Variants in COQ4 observed in about 807,000 individuals in gnomAD.
COQ4 encodes the protein coenzyme Q4, also known as ubiquinone biosynthesis protein COQ4 homolog, mitochondrial.
A neutral mutation model predicts 30.2 loss-of-function variants in COQ4; 36 were observed. The ratio of observed to expected loss-of-function variants is 1.19; its 90% CI spans 0.91 to 1.57. The LOEUF is 1.57. Ranked by LOEUF, COQ4 falls within the 40% of genes most tolerant of loss-of-function variation. The probability of loss-of-function intolerance (pLI) is 0.00; values close to 1 mark genes in which losing one functional copy is unlikely to be tolerated. For missense variants in COQ4, 369 were observed against 371.9 expected (o/e 0.99, Z 0.07); for synonymous variants, 197 against 161.0 (o/e 1.22, Z -1.69).
chr9:128,329,442 T>C (rs1005092364), intron 4 of COQ4, among the ~76,000 whole-genome samples: 1 of 152,216 alleles, frequency 6.6e-6, no homozygotes, highest in Non-Finnish European at 1.5e-5. Context: ...AGTGGCACAA[T>C]CTTGGCTCAC....
chr9:128,327,981 G>A (rs1183605967), intron 4 of COQ4, among the ~76,000 whole-genome samples: 2 of 152,232 alleles, frequency 1.3e-5, no homozygotes, highest in South Asian at 2.1e-4. Flanking sequence ...GGGTGGTCAG[G>A]GCCGGCTCCT....
chr9:128,333,616 C>A lies in COQ4; in HGVS notation c.769C>A (p.Pro257Thr). Residue 257 changes from proline (P) to threonine (T), a missense_variant, in exon 7 of 7, where the codon CCA becomes ACA. Pro to Thr is a conservative substitution (Grantham distance 38). Coordinates refer to ENST00000300452, the MANE Select transcript of COQ4 (RefSeq NM_016035.5). The stretch of plus-strand genomic sequence containing the variant: ...GCGGGAGGAGCTGGGCATTACAGCA[C>A]CACCCATGCACGTCCAGGGCTTGGC... ...ALREELGITA[P>T]PMHVQGLA The A allele has an allele frequency of 6.3e-7, 1 of 1,595,262 alleles. No homozygotes were observed. The highest frequency in any genetic ancestry group is 8.5e-7 in the Non-Finnish European group (1 of 1,172,942).
chr9:128,323,880 G>C (rs967471984), intron 2 of COQ4, among the ~76,000 whole-genome samples: 5 of 152,230 alleles, frequency 3.3e-5, no homozygotes, highest in African/African-American at 1.2e-4. Context: ...GGGAGTTCGA[G>C]ACTGCAGTAA....
intron 4 of COQ4, chr9:128,326,201 G>A (rs1832317984): frequency 1.9e-6 from 1 of 526,072 alleles, no homozygotes; most frequent in Non-Finnish European, 3.3e-6. Context: ...AGGAAACAGA[G>A]GCTCAGAGCA....
intron 4 of COQ4, among the ~76,000 whole-genome samples, chr9:128,328,690 A>G (rs767569373): frequency 2.0e-5 from 3 of 152,094 alleles, no homozygotes; most frequent in Non-Finnish European, 4.4e-5. Flanking sequence ...CTGCACAGCT[A>G]CCTTGACGGG....
chr9:128,323,589 C>T, intron 2 of COQ4: 1 of 389,808 alleles, frequency 2.6e-6, no homozygotes, highest in Non-Finnish European at 4.5e-6. Context: ...CTAGAACATT[C>T]TAGGGTTCTA....
chr9:128,332,419 A>C (rs1832430628), intron 5 of COQ4, 137 bp downstream of exon 5: 1 of 921,578 alleles, frequency 1.1e-6, no homozygotes, highest in Non-Finnish European at 1.6e-6. Context: ...TCTTAGTAGC[A>C]TCTTTGCCAC....
intron 3 of COQ4, 68 bp from the exon 4 acceptor site, chr9:128,325,711 C>A: frequency 8.1e-7 from 1 of 1,236,394 alleles, no homozygotes; most frequent in Non-Finnish European, 1.2e-6. Context: ...CGCCCCTCAG[C>A]TCGCTGTAGT....
At chr9:128,323,937 C>G (rs1402102344) in intron 2 of COQ4, among the ~76,000 whole-genome samples, 1 of 152,104 alleles carries the variant, frequency 6.6e-6, no homozygotes, top group Non-Finnish European at 1.5e-5. Context: ...AGAGCGAGAC[C>G]CTGTCTTAAA....
At chr9:128,330,620 A>G (rs962479389) in intron 4 of COQ4, 5 of 151,312 alleles carry the variant, frequency 3.3e-5, no homozygotes, top group Non-Finnish European at 7.4e-5. Flanking sequence ...CAGCCTCCCA[A>G]GTAGCTGGGA....
intron 4 of COQ4, among the ~76,000 whole-genome samples, chr9:128,329,352 T>G (rs187562846): frequency 8.0e-4 from 122 of 152,302 alleles, no homozygotes; most frequent in Non-Finnish European, 1.3e-3. Context: ...AATTACTTTA[T>G]CTCTCTGAGC....
intron 4 of COQ4, among the ~76,000 whole-genome samples, chr9:128,330,034 C>T (rs1424439633): frequency 6.6e-6 from 1 of 152,086 alleles, no homozygotes; most frequent in East Asian, 1.9e-4. Flanking sequence ...GCCAGTCCTG[C>T]CCTTGTGTAG....
Position 128,332,886 on chromosome 9 carries a change from C to T in COQ4, c.569C>T (p.Thr190Ile), listed in dbSNP as rs1360685167. 6.2e-7 allele frequency: 1 copy of T among 1,614,192 alleles called. No individual in the cohort carries two copies. The highest frequency in any genetic ancestry group is 1.7e-5 in the Admixed American group (1 of 60,030). Reference protein sequence around the residue: ...IVVKWFEAVQTGLPMCILGAF... With the variant: ...IVVKWFEAVQIGLPMCILGAF... ...GTGAAATGGTTTGAGGCTGTCCAGACTGGCCTGCCCATGTGCATCCTGGGT... is the reference window on the plus strand; with the variant it reads ...GTGAAATGGTTTGAGGCTGTCCAGATTGGCCTGCCCATGTGCATCCTGGGT... The change falls in exon 6 of 7, where the codon ACT becomes ATT. Residue 190 changes from threonine (T) to isoleucine (I), a missense_variant. Transcript: ENST00000300452.
Position 128,322,939 on chromosome 9 carries a change from C to T in COQ4, c.70+11C>T, listed in dbSNP as rs754308385. 1.7e-5 allele frequency: 28 copies of T among 1,602,742 alleles called. No individual in the cohort carries two copies. Among genetic ancestry groups the T allele is most frequent in the Middle Eastern group, 1.7e-4 (1 of 6,024 alleles). ...AGCGGCCTGCGGCAGGCAAGTGGCG[C>T]CGGGTTCTGGGCGCAGGCGGGAAGG... On this transcript the variant is annotated intron_variant, in intron 1 of 6. Transcript: ENST00000300452.
At position 128,322,929 on chromosome 9, in the gene COQ4, G is replaced by A. The variant is rs762083094; in HGVS notation, c.70+1G>A. 9 of 1,601,182 alleles carry A rather than the reference G, an allele frequency of 5.6e-6. No homozygotes were observed. The highest frequency in any genetic ancestry group is 6.8e-6 in the Non-Finnish European group (8 of 1,177,958). On this transcript the variant is annotated splice_donor_variant, in intron 1 of 6. Transcript: ENST00000300452. LOFTEE classifies it high-confidence loss of function. ...CCGGGCCTACAGCGGCCTGCGGCAG[G>A]CAAGTGGCGCCGGGTTCTGGGCGCA...
chr9:128,333,970 G>C lies in COQ4; in HGVS notation c.*325G>C, dbSNP rs993331434. ...AGCCAGGTTTGCTGGGGGCCAGGCT[G>C]GGTGTCCTCACAGGAGTGAGGGCTA... On this transcript the variant is annotated 3_prime_UTR_variant, in exon 7 of 7. Coordinates refer to ENST00000300452, the MANE Select transcript of COQ4 (RefSeq NM_016035.5). The C allele has an allele frequency of 9.7e-6, 2 of 205,676 alleles. No individual in the cohort carries two copies. The highest frequency in any genetic ancestry group is 4.6e-5 in the African/African-American group (2 of 43,280). 12.7% of individuals were successfully genotyped at this position (205,676 alleles called of 1,614,324 possible).
chr9:128,333,031 G>A (rs1031010846), intron 6 of COQ4, 88 bp downstream of exon 6: 2 of 947,122 alleles, frequency 2.1e-6, no homozygotes, highest in African/African-American at 1.6e-5. Context: ...AGTAGGAAGA[G>A]CACACGGGCC....
At chr9:128,323,437 G>A (rs1832252466) in intron 2 of COQ4, 1 of 508,470 alleles carries the variant, frequency 2.0e-6, no homozygotes, top group African/African-American at 2.0e-5. Flanking sequence ...TGATTCATAA[G>A]TACCGATCAG....
rs149045616 is a variant in COQ4, at chr9:128,323,958, A to G, written c.202+811A>G. 6.2e-4 allele frequency among the ~76,000 whole-genome samples: 94 copies of G among 152,206 alleles called. 1 individual carries two copies. The highest frequency in any genetic ancestry group is 2.0e-3 in the African/African-American group (83 of 41,540). ...AGACCCTGTCTTAAACAAAAAATAC[A>G]CTATATCTCCATGTCCCCAGTGGTT... is the stretch of plus-strand genomic sequence containing the variant. On this transcript the variant is annotated intron_variant, in intron 2 of 6. Coordinates refer to ENST00000300452, the MANE Select transcript of COQ4 (RefSeq NM_016035.5).
Sources: gnomAD v4.1 joint callset for allele counts (sites outside exome capture counted in the v4.1 genomes callset) on GRCh38, gnomAD v4.1.1 for gene constraint, MANE v1.5 for transcripts, NCBI Gene and HGNC (gene_info 2026-07-23, HGNC 2026-07-21) for gene names.